The following KHDRBS2 variants were observed in gnomAD, a reference collection of about 807,000 sequenced individuals.
KHDRBS2 encodes KH domain-containing, RNA-binding, signal transduction-associated protein 2.
In KHDRBS2, 26 loss-of-function variants were observed where a neutral mutation model predicts 44.3. The ratio of observed to expected loss-of-function variants is 0.59; its 90% CI spans 0.43 to 0.81. The LOEUF (loss-of-function observed/expected upper bound fraction) is 0.81. KHDRBS2 is among the 40% of genes least tolerant of loss of function. The pLI is 0.00. For synonymous variants in KHDRBS2, 194 were observed against 151.1 expected (o/e 1.28, Z -2.08); for missense variants, 476 against 433.1 (o/e 1.10, Z -0.88).
chr6:61,549,733 CT>C, the KHDRBS2 span, among the ~76,000 whole-genome samples: 1 of 152,046 alleles, frequency 6.6e-6, no homozygotes, highest in Non-Finnish European at 1.5e-5. Flanking sequence ...GATAAGTAAC[CT>C]TTTCAGATGA....
chr6:62,159,909 G>C (rs1817276462), intron 2 of KHDRBS2, among the ~76,000 whole-genome samples: 1 of 152,106 alleles, frequency 6.6e-6, no homozygotes, highest in African/African-American at 2.4e-5. Context: ...TGAAGAGGTG[G>C]AGTTGATCTT....
intron 6 of KHDRBS2, among the ~76,000 whole-genome samples, chr6:61,770,811 A>G (rs1225240118): frequency 2.6e-5 from 4 of 152,196 alleles, no homozygotes; most frequent in Non-Finnish European, 5.9e-5. Context: ...GCAGGCCAAC[A>G]TTCAAATTCA....
chr6:61,710,125 A>G (rs1297292166), intron 7 of KHDRBS2, among the ~76,000 whole-genome samples: 1 of 151,732 alleles, frequency 6.6e-6, no homozygotes, highest in East Asian at 1.9e-4. Context: ...TTAAATGACC[A>G]GAGTCTGGGG....
the KHDRBS2 span, chr6:61,574,232 G>T: frequency 1.2e-6 from 1 of 822,222 alleles, no homozygotes; most frequent in East Asian, 2.7e-5. Context: ...AGTATTAGAG[G>T]CACCGCCTGC....
intron 5 of KHDRBS2, among the ~76,000 whole-genome samples, chr6:61,899,476 A>G (rs1005579095): frequency 6.6e-6 from 1 of 151,796 alleles, no homozygotes; most frequent in Admixed American, 6.6e-5. Context: ...GTTATATGGG[A>G]TTAAATAGTG....
At chr6:61,770,080 T>G in intron 6 of KHDRBS2, among the ~76,000 whole-genome samples, 1 of 152,218 alleles carries the variant, frequency 6.6e-6, no homozygotes, top group East Asian at 1.9e-4. Context: ...AAACAGGGTC[T>G]GGAGTGGACC....
intron 4 of KHDRBS2, among the ~76,000 whole-genome samples, chr6:61,933,578 G>A (rs1396584637): frequency 2.0e-5 from 3 of 152,238 alleles, no homozygotes; most frequent in Admixed American, 2.0e-4. Context: ...AACCTAGATA[G>A]TATAGCCTAC....
intron 4 of KHDRBS2, among the ~76,000 whole-genome samples, chr6:61,939,452 A>T (rs936917933): frequency 6.6e-6 from 1 of 152,144 alleles, no homozygotes; most frequent in Admixed American, 6.5e-5. Context: ...CAGCCCAAGG[A>T]TCTTTGAAAG....
the KHDRBS2 span, among the ~76,000 whole-genome samples, chr6:61,651,415 G>A: frequency 6.6e-6 from 1 of 151,914 alleles, no homozygotes; most frequent in Non-Finnish European, 1.5e-5. Context: ...TTTTCCTCTT[G>A]GGGATGCTGA....
intron 6 of KHDRBS2, among the ~76,000 whole-genome samples, chr6:61,843,838 A>T (rs533802681): frequency 2.0e-5 from 3 of 152,142 alleles, no homozygotes; most frequent in Non-Finnish European, 4.4e-5. Flanking sequence ...ACAGCCCAAG[A>T]TTTAGTTTTT....
At chr6:62,036,162 G>A (rs1562693538) in intron 3 of KHDRBS2, among the ~76,000 whole-genome samples, 1 of 151,774 alleles carries the variant, frequency 6.6e-6, no homozygotes, top group Non-Finnish European at 1.5e-5. Context: ...TCAAATCAAA[G>A]TATGTAAACT....
chr6:61,845,567 C>A (rs551562965), intron 6 of KHDRBS2, among the ~76,000 whole-genome samples: 25 of 152,254 alleles, frequency 1.6e-4, no homozygotes, highest in Non-Finnish European at 3.5e-4. Context: ...CTTGGCCTCC[C>A]AAAATGCTGG....
In KHDRBS2 at chr6:62,213,827, T is replaced by C. The variant is rs886722621; in HGVS notation, c.92-36515A>G. 4.3e-5 allele frequency among the ~76,000 whole-genome samples: 5 copies of C among 116,932 alleles called. No individual in the cohort carries two copies. In the Admixed American group the frequency reaches 6.6e-4, roughly 15 times the overall value. The allele number at this position is 116,932 out of a possible 152,430, so 76.7% of individuals were successfully genotyped here. On this transcript the variant is annotated intron_variant, in intron 1 of 8. Coordinates refer to ENST00000281156, the MANE Select transcript of KHDRBS2 (RefSeq NM_152688.4). ...AGGCGGAGCTTGCAGTGAGCCGAGA[T>C]CACGCCACTGCACTCCAGCCTGGGT... is the stretch of plus-strand genomic sequence containing the variant.
intron 1 of KHDRBS2, among the ~76,000 whole-genome samples, chr6:62,195,636 A>C (rs1825523664): frequency 1.3e-5 from 2 of 152,134 alleles, no homozygotes; most frequent in African/African-American, 4.8e-5. Flanking sequence ...TTTCTGAGCT[A>C]AGGAATGAAT....
Position 61,797,173 on chromosome 6 carries a change from C to T in KHDRBS2, c.811-64409G>A, listed in dbSNP as rs541855197. On this transcript the variant is annotated intron_variant, in intron 6 of 8. Coordinates refer to ENST00000281156, the MANE Select transcript of KHDRBS2 (RefSeq NM_152688.4). ...TTTTTGACCACAAAAAGGAGGAAAG[C>T]GGAGGTTCTGTTTCACATAGCAGTT... is the stretch of plus-strand genomic sequence containing the variant. 3.0e-4 allele frequency among the ~76,000 whole-genome samples: 45 copies of T among 152,064 alleles called. No individual in the cohort carries two copies. The South Asian group carries it at 3.9e-3, about 13-fold the overall frequency.
chr6:61,582,733 T>A, the KHDRBS2 span, among the ~76,000 whole-genome samples: 1 of 151,650 alleles, frequency 6.6e-6, no homozygotes, highest in African/African-American at 2.4e-5. Context: ...AGCACAGAGA[T>A]AAATTTAAAG....
intron 4 of KHDRBS2, among the ~76,000 whole-genome samples, chr6:61,958,101 C>T (rs1358242416): frequency 1.3e-5 from 2 of 152,072 alleles, no homozygotes; most frequent in Non-Finnish European, 2.9e-5. Flanking sequence ...GTCTCTAATC[C>T]AGCAACTGAT....
chr6:62,133,860 C>G (rs980797495), intron 2 of KHDRBS2, among the ~76,000 whole-genome samples: 4 of 152,034 alleles, frequency 2.6e-5, no homozygotes, highest in African/African-American at 9.7e-5. Flanking sequence ...GAGATCTGAA[C>G]TTGAGGGAGA....
chr6:61,934,923 T>A (rs531432161), intron 4 of KHDRBS2, among the ~76,000 whole-genome samples: 1 of 152,254 alleles, frequency 6.6e-6, no homozygotes, highest in South Asian at 2.1e-4. Flanking sequence ...TCTCAAGAGC[T>A]TCATCATTGC....
Sources: gnomAD v4.1 joint callset for allele counts (sites outside exome capture counted in the v4.1 genomes callset) on GRCh38, gnomAD v4.1.1 for gene constraint, MANE v1.5 for transcripts, NCBI Gene and HGNC (gene_info 2026-07-23, HGNC 2026-07-21) for gene names.